KCNJ6: variants seen among roughly 807,000 people sequenced by gnomAD.
KCNJ6 encodes potassium inwardly rectifying channel subfamily J member 6.
Under a neutral mutation model 34.2 loss-of-function variants are expected in KCNJ6, and 9 were observed. The observed-to-expected ratio is 0.26, with a 90% CI of 0.16 to 0.46. KCNJ6 has a LOEUF of 0.46. Among genes scored for constraint, KCNJ6 ranks in the 20% least tolerant of loss-of-function variants. KCNJ6 has a pLI of 1.00. For missense variants in KCNJ6, 236 were observed against 531.3 expected (o/e 0.44, Z 5.46); for synonymous variants, 196 against 207.1 (o/e 0.95, Z 0.46).
chr21:37,696,419 AG>A (rs1457555810), intron 3 of KCNJ6, among the ~76,000 whole-genome samples: 1 of 152,204 alleles, frequency 6.6e-6, no homozygotes, highest in Non-Finnish European at 1.5e-5. Flanking sequence ...CTTGCCCCAC[AG>A]ACATAACCTA....
chr21:37,851,534 C>G (rs2055537245), intron 1 of KCNJ6, among the ~76,000 whole-genome samples: 1 of 152,142 alleles, frequency 6.6e-6, no homozygotes, highest in African/African-American at 2.4e-5. Flanking sequence ...GTGTTTTCAG[C>G]TTGAACTTCT....
chr21:37,775,347 T>C (rs1384040950), intron 2 of KCNJ6, among the ~76,000 whole-genome samples: 1 of 152,256 alleles, frequency 6.6e-6, no homozygotes, highest in Non-Finnish European at 1.5e-5. Context: ...AGAAGCTCTT[T>C]AGTTTAATTA....
In KCNJ6 at chr21:37,618,175, C is replaced by G. The variant is rs1220178353; in HGVS notation, c.*6984G>C. On this transcript the variant is annotated 3_prime_UTR_variant, in exon 4 of 4. Transcript: ENST00000609713. ...GGATCTGAGGACAGTGCTCCTTCCC[C>G]TCTTCTAAGAAGACTGGCTGAAGAC... 6.6e-6 allele frequency: 1 copy of G among 152,302 alleles called. No homozygotes were observed. The highest frequency in any genetic ancestry group is 1.5e-5 in the Non-Finnish European group (1 of 68,094). The allele number at this position is 152,302 out of a possible 1,614,324, so 9.4% of individuals were successfully genotyped here. A position where few individuals can be genotyped will look rare whatever the true frequency, so the allele number is the denominator to read the frequency against.
intron 2 of KCNJ6, among the ~76,000 whole-genome samples, chr21:37,717,491 G>A (rs975085153): frequency 4.6e-5 from 7 of 152,196 alleles, no homozygotes; most frequent in Non-Finnish European, 8.8e-5. Flanking sequence ...GATGTGTGGA[G>A]GGAGGCAGAG....
chr21:37,641,034 A>G (rs1165617161), intron 3 of KCNJ6, among the ~76,000 whole-genome samples: 1 of 152,200 alleles, frequency 6.6e-6, no homozygotes, highest in Non-Finnish European at 1.5e-5. Flanking sequence ...GGGAATAGGA[A>G]GAGGGAATTT....
chr21:37,865,833 C>G (rs1029293878), intron 1 of KCNJ6, among the ~76,000 whole-genome samples: 3 of 152,218 alleles, frequency 2.0e-5, no homozygotes, highest in Non-Finnish European at 4.4e-5. Flanking sequence ...AAACTGCACT[C>G]AAGACCAAAT....
At chr21:37,765,649 TTCA>T (rs2055087206) in intron 2 of KCNJ6, among the ~76,000 whole-genome samples, 1 of 152,250 alleles carries the variant, frequency 6.6e-6, no homozygotes, top group Admixed American at 6.5e-5. Context: ...CTGTGTCAAG[TTCA>T]TACCTGTTAC....
chr21:37,626,026 G>T (rs769528891), intron 3 of KCNJ6, among the ~76,000 whole-genome samples: 1 of 152,206 alleles, frequency 6.6e-6, no homozygotes, highest in Non-Finnish European at 1.5e-5. Context: ...GGCTCCAGAT[G>T]CAGTTGGAAG....
intron 3 of KCNJ6, among the ~76,000 whole-genome samples, chr21:37,712,575 T>G (rs4990451): frequency 2.0e-5 from 1 of 49,430 alleles, no homozygotes; most frequent in East Asian, 6.8e-4. Flanking sequence ...CTCCTCCTCT[T>G]CTTCCTCCCT....
intron 1 of KCNJ6, among the ~76,000 whole-genome samples, chr21:37,881,470 G>GGAGAGAGAGAGAGAGAGAGAGAGA (rs10550872): frequency 6.7e-6 from 1 of 149,110 alleles, no homozygotes; most frequent in African/African-American, 2.5e-5. Flanking sequence ...CTCTCTGCAT[G>GGAGAGAGAGAGAGAGAGAGAGAGA]GAGAGAGAGA....
At chr21:37,915,650 C>T (rs1238238169) in intron 1 of KCNJ6, among the ~76,000 whole-genome samples, 1 of 152,262 alleles carries the variant, frequency 6.6e-6, no homozygotes, top group Non-Finnish European at 1.5e-5. Context: ...CCCCCGCCCC[C>T]CGTGCGAGTT....
intron 1 of KCNJ6, among the ~76,000 whole-genome samples, chr21:37,873,596 C>T (rs2055663102): frequency 6.6e-6 from 1 of 152,174 alleles, no homozygotes; most frequent in Non-Finnish European, 1.5e-5. Context: ...TGACCCTAAT[C>T]TATAAGTGTT....
At chr21:37,703,873 G>A (rs1053449026) in intron 3 of KCNJ6, among the ~76,000 whole-genome samples, 20 of 152,206 alleles carry the variant, frequency 1.3e-4, no homozygotes, top group African/African-American at 4.1e-4. Context: ...CTTCAATGTC[G>A]GGGATGAGAA....
chr21:37,727,626 G>A (rs1239736994), intron 2 of KCNJ6, among the ~76,000 whole-genome samples: 2 of 152,160 alleles, frequency 1.3e-5, no homozygotes, highest in Non-Finnish European at 2.9e-5. Context: ...AAGAGGGATA[G>A]TCGGGTGTTT....
chr21:37,690,049 TA>T (rs1290377573), intron 3 of KCNJ6, among the ~76,000 whole-genome samples: 1 of 152,210 alleles, frequency 6.6e-6, no homozygotes, highest in Non-Finnish European at 1.5e-5. Flanking sequence ...ATTATCCTTA[TA>T]AAAATCCTTT....
rs1489984723 is a variant in KCNJ6, at chr21:37,714,088, A to C, written c.946+123T>G. 1 of 735,434 alleles carries C rather than the reference A, an allele frequency of 1.4e-6. No homozygotes were observed. Among genetic ancestry groups the C allele is most frequent in the Admixed American group, 2.3e-5 (1 of 42,988 alleles). 45.6% of individuals were successfully genotyped at this position (735,434 alleles called of 1,614,324 possible). On this transcript the variant is annotated intron_variant, in intron 3 of 3. Coordinates refer to ENST00000609713, the MANE Select transcript of KCNJ6 (RefSeq NM_002240.5). This position sits in a 1 kb window ranked among gnomAD's most constrained non-coding sequence, Gnocchi z 5.9. Reference sequence around the variant, plus strand: ...ATGTAGGCATACTATGTCATGAAGCAAGGGGATGTTGTCAATATTGAGTGA... The same window carrying C: ...ATGTAGGCATACTATGTCATGAAGCCAGGGGATGTTGTCAATATTGAGTGA...
At chr21:37,664,987 G>A (rs549475113) in intron 3 of KCNJ6, among the ~76,000 whole-genome samples, 1 of 151,752 alleles carries the variant, frequency 6.6e-6, no homozygotes, top group African/African-American at 2.4e-5. Flanking sequence ...TAGTAGAGAC[G>A]GGGTTTCACC....
chr21:37,813,150 G>A (rs1306797119), intron 2 of KCNJ6, among the ~76,000 whole-genome samples: 1 of 152,048 alleles, frequency 6.6e-6, no homozygotes, highest in Non-Finnish European at 1.5e-5. Context: ...AATCAAGAAA[G>A]TAATCCCAAT....
chr21:37,866,428 A>G (rs1404604991), intron 1 of KCNJ6, among the ~76,000 whole-genome samples: 1 of 152,150 alleles, frequency 6.6e-6, no homozygotes, highest in African/African-American at 2.4e-5. Context: ...AGATGGATGG[A>G]AGGAGGAAAT....
Sources: allele counts gnomAD v4.1 joint callset (sites outside exome capture counted in the v4.1 genomes callset), GRCh38; gene constraint gnomAD v4.1.1; non-coding constraint Gnocchi (gnomAD v3.1); transcripts MANE v1.5; gene names NCBI Gene and HGNC (gene_info 2026-07-23, HGNC 2026-07-21).